The following FMO4 variants were observed in gnomAD, a reference collection of about 807,000 sequenced individuals.
The protein encoded by FMO4 is dimethylaniline monooxygenase [N-oxide-forming] 4.
In FMO4, 38 loss-of-function variants were observed where a neutral mutation model predicts 43.3. The ratio of observed to expected loss-of-function variants is 0.88; its 90% CI spans 0.68 to 1.15. The LOEUF (loss-of-function observed/expected upper bound fraction) is 1.15, where lower values mean the gene tolerates loss of function less well. Among genes scored for constraint, FMO4 ranks in the 50% most tolerant of loss-of-function variants. FMO4 has a pLI of 0.00. For missense variants in FMO4, 631 were observed against 663.3 expected, an observed-to-expected ratio of 0.95 and a Z score of 0.54; for synonymous variants, 224 against 232.2, an observed-to-expected ratio of 0.96 and a Z score of 0.32.
chr1:171,337,296 GA>G, intron 8 of FMO4, 59 bp from the exon 9 acceptor site: 1 of 1,135,588 alleles, frequency 8.8e-7, no homozygotes, highest in South Asian at 1.2e-5. Context: ...AGTGGGTGGA[GA>G]ATTTAAATAA....
intron 1 of FMO4, among the ~76,000 whole-genome samples, chr1:171,315,412 GCCTA>G (rs1662158523): frequency 6.6e-6 from 1 of 151,788 alleles, no homozygotes; most frequent in Non-Finnish European, 1.5e-5. Flanking sequence ...CAGTATTCTC[GCCTA>G]CCTTTGAATT....
intron 5 of FMO4, among the ~76,000 whole-genome samples, chr1:171,330,376 T>C (rs1056835134): frequency 1.3e-5 from 2 of 152,230 alleles, no homozygotes; most frequent in African/African-American, 4.8e-5. Flanking sequence ...TTTCCACTAT[T>C]CTTACCATTC....
intron 4 of FMO4, among the ~76,000 whole-genome samples, chr1:171,323,781 T>C (rs967420790): frequency 6.6e-6 from 1 of 152,104 alleles, no homozygotes; most frequent in Non-Finnish European, 1.5e-5. Flanking sequence ...ATGAAGCCCA[T>C]TGGGGAAAAA....
intron 5 of FMO4, among the ~76,000 whole-genome samples, chr1:171,327,875 T>C (rs564253806): frequency 6.6e-6 from 1 of 152,314 alleles, no homozygotes; most frequent in African/African-American, 2.4e-5. Flanking sequence ...ATGGTGCCAC[T>C]GCACTCCAGC....
chr1:171,332,692 CTTACT>C lies in FMO4; in HGVS notation c.628-9_628-5del. ...ATGAACATTTATTTATCCTTCTTGC[CTTACT>C]TTACTTTTTAGGTACTTCTCAGTAC... On this transcript the variant is annotated splice_polypyrimidine_tract_variant and intron_variant, in intron 6 of 9. Coordinates refer to ENST00000367749, the MANE Select transcript of FMO4 (RefSeq NM_002022.3). 1.3e-6 allele frequency: 2 copies of C among 1,595,358 alleles called. No individual in the cohort carries two copies. Among genetic ancestry groups the C allele is most frequent in the Non-Finnish European group, 1.7e-6 (2 of 1,165,940 alleles).
chr1:171,325,550 G>GGAATGAAGTGAAAATTC (rs1479130494), intron 5 of FMO4, among the ~76,000 whole-genome samples: 2 of 151,964 alleles, frequency 1.3e-5, no homozygotes, highest in African/African-American at 4.8e-5. Context: ...TACTCAAAAA[G>GGAATGAAGTGAAAATTC]GAATGAAGTG....
intron 9 of FMO4, 63 bp from the exon 10 acceptor site, chr1:171,341,350 A>C: frequency 3.1e-6 from 4 of 1,288,954 alleles, no homozygotes; most frequent in Non-Finnish European, 4.3e-6. Context: ...GGTGGGTCTG[A>C]TAACTTGAGA....
intron 9 of FMO4, among the ~76,000 whole-genome samples, chr1:171,338,069 T>TC (rs1327361053): frequency 6.6e-6 from 1 of 152,090 alleles, no homozygotes; most frequent in African/African-American, 2.4e-5. Flanking sequence ...CTGAAACTTT[T>TC]CCCCATCTCA....
Position 171,341,543 on chromosome 1 carries a change from GT to G in FMO4, c.1385del (p.Phe462SerfsTer26). The G allele has an allele frequency of 6.2e-7, 1 of 1,614,080 alleles. No individual in the cohort carries two copies. The highest frequency in any genetic ancestry group is 1.3e-5 in the African/African-American group (1 of 75,040). ...FLKDPRLAWE[V>X]FFGPCTPYQY... ...CAAGGATCCCAGACTAGCTTGGGAA[GT>G]TTTCTTTGGACCATGTACTCCTTAT... On this transcript the variant is annotated frameshift_variant, in exon 10 of 10. Transcript: ENST00000367749. LOFTEE classifies it low-confidence loss of function (END_TRUNC).
At chr1:171,324,520 C>T (rs1339904384) in intron 5 of FMO4, among the ~76,000 whole-genome samples, 1 of 152,024 alleles carries the variant, frequency 6.6e-6, no homozygotes, top group African/African-American at 2.4e-5. Context: ...ATTGCTTAAG[C>T]TTTCTAATGT....
intron 2 of FMO4, among the ~76,000 whole-genome samples, chr1:171,317,147 T>C (rs1558033019): frequency 6.6e-6 from 1 of 152,324 alleles, no homozygotes; most frequent in Admixed American, 6.5e-5. Flanking sequence ...TGCCTCTTAA[T>C]AGCAGTGTAG....
intron 7 of FMO4, 130 bp from the exon 8 acceptor site, chr1:171,334,281 T>C (rs377074111): frequency 3.2e-5 from 20 of 618,504 alleles, no homozygotes; most frequent in Admixed American, 2.2e-4. Context: ...GTAGATGACT[T>C]TGAATTAGAC....
intron 8 of FMO4, among the ~76,000 whole-genome samples, chr1:171,336,612 G>GT (rs1289021620): frequency 6.6e-6 from 1 of 151,654 alleles, no homozygotes; most frequent in Non-Finnish European, 1.5e-5. Flanking sequence ...TATAAAGTGG[G>GT]TTTTTTTTAG....
At chr1:171,332,567 G>A (rs751768981) in intron 6 of FMO4, 142 bp from the exon 7 acceptor site, 45 of 603,610 alleles carry the variant, frequency 7.5e-5, no homozygotes, top group Middle Eastern at 3.8e-4. Flanking sequence ...ACAGATAATC[G>A]TATGTAGACC....
chr1:171,323,202 T>C lies in FMO4; in HGVS notation c.321+10T>C. The C allele has an allele frequency of 6.3e-7, 1 of 1,598,888 alleles. No individual in the cohort carries two copies. The highest frequency in any genetic ancestry group is 8.6e-7 in the Non-Finnish European group (1 of 1,168,882). On this transcript the variant is annotated intron_variant, in intron 4 of 9. Coordinates refer to ENST00000367749, the MANE Select transcript of FMO4 (RefSeq NM_002022.3). ...ATACATTCAGTTTAAGGTAAGATAC[T>C]TTGGGTTATGGAAGATGAATAGATG...
intron 6 of FMO4, 138 bp from the exon 7 acceptor site, chr1:171,332,571 G>A (rs1354528705): frequency 3.1e-6 from 2 of 637,372 alleles, no homozygotes; most frequent in Non-Finnish European, 5.4e-6. Flanking sequence ...ATAATCGTAT[G>A]TAGACCTATG....
At chr1:171,340,729 T>G (rs1169073982) in intron 9 of FMO4, among the ~76,000 whole-genome samples, 1 of 152,176 alleles carries the variant, frequency 6.6e-6, no homozygotes, top group Admixed American at 6.5e-5. Flanking sequence ...AAATAATCAG[T>G]GACTGAAACC....
intron 5 of FMO4, among the ~76,000 whole-genome samples, chr1:171,324,702 C>T (rs536098299): frequency 3.3e-5 from 5 of 151,490 alleles, no homozygotes; most frequent in African/African-American, 1.2e-4. Context: ...AGAAACAAAC[C>T]AGAAATTAAA....
chr1:171,340,183 A>T (rs1663312098), intron 9 of FMO4, among the ~76,000 whole-genome samples: 1 of 152,184 alleles, frequency 6.6e-6, no homozygotes, highest in Admixed American at 6.5e-5. Flanking sequence ...TCAAAATTCT[A>T]GCTGTATGAT....
Sources: allele counts gnomAD v4.1 joint callset (sites outside exome capture counted in the v4.1 genomes callset), GRCh38; gene constraint gnomAD v4.1.1; transcripts MANE v1.5; gene names NCBI Gene and HGNC (gene_info 2026-07-23, HGNC 2026-07-21).